The following ARHGAP42 variants were observed in gnomAD, a reference collection of about 807,000 sequenced individuals.
The protein encoded by ARHGAP42 is rho GTPase-activating protein 42.
Under a neutral mutation model 125.0 loss-of-function variants are expected in ARHGAP42, and 63 were observed. The ratio of observed to expected loss-of-function variants is 0.50; its 90% CI spans 0.41 to 0.62. The LOEUF (loss-of-function observed/expected upper bound fraction) is 0.62, where lower values mean the gene tolerates loss of function less well. Among genes scored for constraint, ARHGAP42 ranks in the 20% least tolerant of loss-of-function variants. The pLI is 0.00. For synonymous variants in ARHGAP42, 339 were observed against 351.0 expected, an observed-to-expected ratio of 0.97 and a Z score of 0.38; for missense variants, 766 against 1,024.2, an observed-to-expected ratio of 0.75 and a Z score of 3.44.
At chr11:100,762,147 G>A (rs1045769709) in intron 1 of ARHGAP42, among the ~76,000 whole-genome samples, 1 of 152,202 alleles carries the variant, frequency 6.6e-6, no homozygotes, top group Non-Finnish European at 1.5e-5. Flanking sequence ...CCTGCCAGAA[G>A]GGTGGATGTA....
At chr11:100,850,067 C>T (rs1041399915) in intron 3 of ARHGAP42, among the ~76,000 whole-genome samples, 4 of 152,128 alleles carry the variant, frequency 2.6e-5, no homozygotes, top group Non-Finnish European at 5.9e-5. Flanking sequence ...TTCAAGTAAG[C>T]ATTTCATAAG....
chr11:100,892,588 T>A (rs1201356703), intron 4 of ARHGAP42, among the ~76,000 whole-genome samples: 1 of 152,180 alleles, frequency 6.6e-6, no homozygotes, highest in Non-Finnish European at 1.5e-5. Flanking sequence ...ACATATGATA[T>A]CTGTCTAGAG....
chr11:100,841,838 T>G (rs1415420938), intron 3 of ARHGAP42, among the ~76,000 whole-genome samples: 1 of 152,218 alleles, frequency 6.6e-6, no homozygotes, highest in African/African-American at 2.4e-5. Context: ...CTATCCAGTT[T>G]AATTCAGTGC....
rs190964729 is a variant in ARHGAP42, at chr11:100,880,423, T to A, written c.384+20798T>A. ...CCAGTCTCATTCAGGTTGCTGCGAA[T>A]GCTATTCATTCCTTTTTATGGCTGA... is the stretch of plus-strand genomic sequence containing the variant. On this transcript the variant is annotated intron_variant, in intron 4 of 23. Coordinates refer to ENST00000298815, the MANE Select transcript of ARHGAP42 (RefSeq NM_152432.4). Among the ~76,000 whole-genome samples the A allele has an allele frequency of 3.3e-5, 5 of 152,272 alleles. 1 individual carries two copies. In the East Asian group the frequency reaches 9.7e-4, roughly 29 times the overall value.
intron 3 of ARHGAP42, among the ~76,000 whole-genome samples, chr11:100,841,305 T>C (rs1864941722): frequency 6.6e-6 from 1 of 151,810 alleles, no homozygotes; most frequent in Admixed American, 6.6e-5. Context: ...ACCAAAGGGG[T>C]TTTTCCAGAT....
At chr11:100,764,025 C>CTTTTTTTT (rs772607133) in intron 1 of ARHGAP42, among the ~76,000 whole-genome samples, 1 of 101,508 alleles carries the variant, frequency 9.9e-6, no homozygotes, top group East Asian at 2.2e-4. Flanking sequence ...TCTTCTTCTT[C>CTTTTTTTT]TTTTTTTTTT....
intron 1 of ARHGAP42, among the ~76,000 whole-genome samples, chr11:100,695,909 A>C (rs1329562922): frequency 6.6e-6 from 1 of 152,170 alleles, no homozygotes; most frequent in Non-Finnish European, 1.5e-5. Flanking sequence ...TTTACATGGA[A>C]TATAGTGGGA....
At chr11:100,847,094 T>C (rs547986545) in intron 3 of ARHGAP42, among the ~76,000 whole-genome samples, 73 of 152,252 alleles carry the variant, frequency 4.8e-4, no homozygotes, top group Middle Eastern at 3.4e-3. Flanking sequence ...GTAAAAAGCA[T>C]GCAGGTTACA....
chr11:100,961,138 A>G (rs1455432072), intron 14 of ARHGAP42, 149 bp downstream of exon 14: 1 of 527,262 alleles, frequency 1.9e-6, no homozygotes, highest in Non-Finnish European at 3.1e-6. Flanking sequence ...TTCATTTATA[A>G]TAGATGAACG....
chr11:100,950,081 T>G (rs1868135690), intron 12 of ARHGAP42, 125 bp downstream of exon 12: 1 of 433,956 alleles, frequency 2.3e-6, no homozygotes, highest in Non-Finnish European at 3.8e-6. Context: ...ACAGCAACTT[T>G]GAAATTTTTA....
At chr11:100,866,986 G>C (rs1865584237) in intron 4 of ARHGAP42, among the ~76,000 whole-genome samples, 1 of 152,160 alleles carries the variant, frequency 6.6e-6, no homozygotes, top group Non-Finnish European at 1.5e-5. Flanking sequence ...TTGGCAATGA[G>C]TAGTACTATA....
In ARHGAP42 at chr11:100,770,354, G is replaced by A. The variant is rs1001775242; in HGVS notation, c.166G>A (p.Ala56Thr). 1.9e-6 allele frequency: 3 copies of A among 1,549,254 alleles called. No individual in the cohort carries two copies. ...ACTTTTACTTGCAGATCTGTCTATG[G>A]CAGTGCAGAAATTTTCCCAGTCATT... Reference protein sequence around the residue: ...LIGALRNLSMAVQKFSQSLQD... With the variant: ...LIGALRNLSMTVQKFSQSLQD... Residue 56 changes from alanine to threonine, a missense_variant, in exon 2 of 24, where the codon GCA becomes ACA. Transcript: ENST00000298815.
chr11:100,696,622 TG>T (rs1159353368), intron 1 of ARHGAP42, among the ~76,000 whole-genome samples: 2 of 152,300 alleles, frequency 1.3e-5, no homozygotes, highest in African/African-American at 4.8e-5. Flanking sequence ...CCCAAAGTGC[TG>T]GGATTACAGG....
At chr11:100,863,428 G>A (rs549336218) in intron 4 of ARHGAP42, among the ~76,000 whole-genome samples, 58 of 152,266 alleles carry the variant, frequency 3.8e-4, no homozygotes, top group African/African-American at 1.3e-3. Flanking sequence ...AGTGGCCCTT[G>A]CCTAACAACC....
chr11:100,957,905 T>C (rs1857846077), intron 12 of ARHGAP42, among the ~76,000 whole-genome samples: 1 of 152,128 alleles, frequency 6.6e-6, no homozygotes, highest in African/African-American at 2.4e-5. Flanking sequence ...AGAGAAATTC[T>C]GTTTTATGTC....
chr11:100,929,141 G>A (rs1396560307), intron 6 of ARHGAP42, among the ~76,000 whole-genome samples: 2 of 152,104 alleles, frequency 1.3e-5, no homozygotes, highest in Admixed American at 6.6e-5. Context: ...AGGAGGGAAG[G>A]GTTTCAGGAT....
chr11:100,767,301 C>T (rs1352354789), intron 1 of ARHGAP42, among the ~76,000 whole-genome samples: 1 of 152,144 alleles, frequency 6.6e-6, no homozygotes, highest in Non-Finnish European at 1.5e-5. Flanking sequence ...AGACGGGATA[C>T]TGAGGTACAG....
At chr11:100,895,673 A>G (rs1162549889) in intron 4 of ARHGAP42, among the ~76,000 whole-genome samples, 1 of 151,896 alleles carries the variant, frequency 6.6e-6, no homozygotes, top group Non-Finnish European at 1.5e-5. Context: ...AACTTCCCCT[A>G]AATGTTTCTG....
At chr11:100,829,093 C>T (rs1387292377) in intron 3 of ARHGAP42, among the ~76,000 whole-genome samples, 3 of 152,144 alleles carry the variant, frequency 2.0e-5, no homozygotes, top group Admixed American at 6.5e-5. Context: ...TCCTTTCCTG[C>T]CATCCTTAGT....
Sources: gnomAD v4.1 joint callset for allele counts (sites outside exome capture counted in the v4.1 genomes callset) on GRCh38, gnomAD v4.1.1 for gene constraint, MANE v1.5 for transcripts, NCBI Gene and HGNC (gene_info 2026-07-23, HGNC 2026-07-21) for gene names.